The following TEX14 variants were observed in gnomAD, a reference collection of about 807,000 sequenced individuals.
TEX14 encodes the protein testis expressed 14, intercellular bridge forming factor.
A neutral mutation model predicts 178.6 loss-of-function variants in TEX14; 168 were observed. That is an observed-to-expected ratio of 0.94 (90% CI 0.83 to 1.07). TEX14 has a LOEUF of 1.07. TEX14 is among the 50% of genes least tolerant of loss of function. The pLI, the probability that TEX14 is intolerant of heterozygous loss-of-function variation, is 0.00. For missense variants in TEX14, 1,730 were observed against 1,753.6 expected (o/e 0.99, Z 0.24); for synonymous variants, 626 against 634.1 (o/e 0.99, Z 0.19).
At chr17:58,583,762 C>T (rs1331102437) in intron 19 of TEX14, among the ~76,000 whole-genome samples, 2 of 152,208 alleles carry the variant, frequency 1.3e-5, no homozygotes, top group Non-Finnish European at 2.9e-5. Context: ...GTTAATATGA[C>T]TGTTCTTCCA....
At chr17:58,604,914 TG>T in intron 11 of TEX14, 63 bp downstream of exon 11, 2 of 1,559,242 alleles carry the variant, frequency 1.3e-6, no homozygotes, top group South Asian at 1.1e-5. Flanking sequence ...GTAACTCCTG[TG>T]GGGGGAGAAA....
chr17:58,624,337 TTTTC>T (rs1455148418), intron 3 of TEX14, among the ~76,000 whole-genome samples: 169 of 139,100 alleles, frequency 1.2e-3, no homozygotes, highest in Non-Finnish European at 2.4e-3. Flanking sequence ...TTTTCTTTTC[TTTTC>T]TTTTTTTTTT....
intron 2 of TEX14, among the ~76,000 whole-genome samples, chr17:58,637,721 A>T (rs2046468975): frequency 6.6e-6 from 1 of 152,186 alleles, no homozygotes; most frequent in South Asian, 2.1e-4. Context: ...CTTTACAATA[A>T]ATGGGTAAAC....
chr17:58,581,283 C>T (rs191823172), intron 19 of TEX14, among the ~76,000 whole-genome samples: 2 of 151,502 alleles, frequency 1.3e-5, no homozygotes, highest in Non-Finnish European at 2.9e-5. Context: ...TGCACTCCAG[C>T]CTGGGTGACA....
chr17:58,659,302 A>C (rs1426792495), intron 1 of TEX14: 4 of 972,266 alleles, frequency 4.1e-6, no homozygotes, highest in East Asian at 2.3e-4. Flanking sequence ...CGCCACAAAG[A>C]CATTATTTAC....
chr17:58,608,762 G>A (rs750339517), intron 10 of TEX14, among the ~76,000 whole-genome samples: 5 of 152,236 alleles, frequency 3.3e-5, no homozygotes, highest in Non-Finnish European at 5.9e-5. Flanking sequence ...AGACTTCACA[G>A]AGAGTGTTGG....
chr17:58,644,807 C>T (rs1299334580), intron 2 of TEX14, among the ~76,000 whole-genome samples: 11 of 150,704 alleles, frequency 7.3e-5, no homozygotes, highest in Middle Eastern at 3.2e-3. Context: ...CCCGCCACCA[C>T]GCCTGGCTAA....
In TEX14 at chr17:58,610,801, G is replaced by A. The variant is rs548674235; in HGVS notation, c.1184+360C>T. ...CTCAGGAGGCTGAGGCAAGAGAATC[G>A]CTTGAACCCAGGAGGCGGAGGTTGC... is the stretch of plus-strand genomic sequence containing the variant. On this transcript the variant is annotated intron_variant, in intron 10 of 31. Transcript: ENST00000349033. Among the ~76,000 whole-genome samples, 36 of 151,870 alleles carry A rather than the reference G, an allele frequency of 2.4e-4. No homozygotes were observed. The South Asian group carries it at 6.7e-3, about 28-fold the overall frequency.
intron 2 of TEX14, among the ~76,000 whole-genome samples, chr17:58,639,631 C>T (rs756366865): frequency 9.2e-5 from 14 of 152,030 alleles, no homozygotes; most frequent in Non-Finnish European, 1.8e-4. Flanking sequence ...ACCCGGGAGG[C>T]GGATGTTGCC....
At chr17:58,596,234 A>G (rs942150948) in intron 14 of TEX14, among the ~76,000 whole-genome samples, 1 of 152,128 alleles carries the variant, frequency 6.6e-6, no homozygotes, top group Non-Finnish European at 1.5e-5. Context: ...AGCAAACTCT[A>G]ATTTTCTATG....
intron 1 of TEX14, among the ~76,000 whole-genome samples, chr17:58,680,043 G>C (rs1045028300): frequency 6.6e-6 from 1 of 151,966 alleles, no homozygotes; most frequent in African/African-American, 2.4e-5. Flanking sequence ...CTGCCTTTAA[G>C]GGTTTGGCAC....
intron 2 of TEX14, among the ~76,000 whole-genome samples, chr17:58,646,936 G>A (rs1395506014): frequency 2.0e-5 from 3 of 147,732 alleles, no homozygotes; most frequent in Non-Finnish European, 4.5e-5. Context: ...ACAGAGTTTC[G>A]CTCTTGTTTC....
At chr17:58,606,148 A>AG (rs1361357088) in intron 10 of TEX14, among the ~76,000 whole-genome samples, 1 of 152,172 alleles carries the variant, frequency 6.6e-6, no homozygotes, top group East Asian at 1.9e-4. Context: ...CTTCCCAACC[A>AG]GACTCCTTAA....
At chr17:58,682,336 C>T (rs921999211) in intron 1 of TEX14, among the ~76,000 whole-genome samples, 1 of 151,752 alleles carries the variant, frequency 6.6e-6, no homozygotes, top group African/African-American at 2.4e-5. Context: ...CAGCTCACTG[C>T]CACATCTGCC....
chr17:58,562,300 G>A (rs1406897899), intron 28 of TEX14, among the ~76,000 whole-genome samples: 1 of 152,068 alleles, frequency 6.6e-6, no homozygotes, highest in African/African-American at 2.4e-5. Context: ...GAAGATGCAG[G>A]GTAGAGTATT....
intron 1 of TEX14, among the ~76,000 whole-genome samples, chr17:58,657,238 A>G (rs991306129): frequency 6.6e-6 from 1 of 152,126 alleles, no homozygotes; most frequent in African/African-American, 2.4e-5. Context: ...CCAAAGTGCT[A>G]GAATTACAGG....
intron 14 of TEX14, among the ~76,000 whole-genome samples, chr17:58,597,141 T>C (rs1401546362): frequency 1.3e-5 from 2 of 152,132 alleles, no homozygotes; most frequent in Non-Finnish European, 2.9e-5. Context: ...CTCATGCCTG[T>C]AATCCTAGCA....
rs1187973720 is a variant in TEX14, at chr17:58,627,525, C to T, written c.251+2915G>A. Among the ~76,000 whole-genome samples, 4 of 152,178 alleles carry T rather than the reference C, an allele frequency of 2.6e-5. No individual in the cohort carries two copies. In the South Asian group the frequency reaches 8.3e-4, roughly 32 times the overall value. ...GTGGCTCATGCCTGTAATCTCAGCA[C>T]TTTGGAAGGCGGAGGCTGGTGGATC... On this transcript the variant is annotated intron_variant, in intron 3 of 31. Coordinates refer to ENST00000349033, the MANE Select transcript of TEX14 (RefSeq NM_031272.5).
In TEX14 at chr17:58,585,875, T is replaced by C; in HGVS notation, c.2996A>G (p.Lys999Arg). The change falls in exon 18 of 32, where the codon AAG becomes AGG. Residue 999 changes from lysine to arginine, a missense_variant. Transcript: ENST00000349033. ...GTCATTGTTGCCCGTCTTGTCAAAC[T>C]TGCCATTTCCTCTGGGCTCATCATT... ...RENDEPRGNG[K>R]FDKTGNNDCD... is the part of the protein sequence containing the mutation. The C allele has an allele frequency of 6.2e-7, 1 of 1,614,088 alleles. No homozygotes were observed.
Sources: allele counts gnomAD v4.1 joint callset (sites outside exome capture counted in the v4.1 genomes callset), GRCh38; gene constraint gnomAD v4.1.1; transcripts MANE v1.5; gene names NCBI Gene and HGNC (gene_info 2026-07-23, HGNC 2026-07-21).